The following BMPER variants were observed in gnomAD, a reference collection of about 807,000 sequenced individuals.
BMPER encodes BMP-binding endothelial regulator protein.
In BMPER, 45 loss-of-function variants were observed where a neutral mutation model predicts 87.3. That is an observed-to-expected ratio of 0.52 (90% CI 0.41 to 0.66). BMPER has a LOEUF of 0.66. Among genes scored for constraint, BMPER ranks in the 30% least tolerant of loss-of-function variants. The probability of loss-of-function intolerance (pLI) is 0.00; values close to 1 mark genes in which losing one functional copy is unlikely to be tolerated. For missense variants in BMPER, 784 were observed against 867.5 expected, an observed-to-expected ratio of 0.90 and a Z score of 1.21; for synonymous variants, 326 against 316.2, an observed-to-expected ratio of 1.03 and a Z score of -0.33.
intron 2 of BMPER, among the ~76,000 whole-genome samples, chr7:33,920,888 T>C (rs1455462395): frequency 6.6e-6 from 1 of 152,214 alleles, no homozygotes; most frequent in Non-Finnish European, 1.5e-5. Context: ...GTTGAAATTC[T>C]GTTATTGGTG....
At chr7:34,147,190 C>T (rs1183630441) in intron 14 of BMPER, among the ~76,000 whole-genome samples, 2 of 152,156 alleles carry the variant, frequency 1.3e-5, no homozygotes, top group Non-Finnish European at 2.9e-5. Context: ...CTAGCTCCTT[C>T]CCTGCAGCAA....
chr7:33,913,484 G>A (rs1271776695), intron 2 of BMPER, among the ~76,000 whole-genome samples: 1 of 152,142 alleles, frequency 6.6e-6, no homozygotes. Flanking sequence ...AGACTGCAGC[G>A]ATGTTGTGTG....
chr7:33,911,096 C>A (rs1783950857), intron 2 of BMPER, among the ~76,000 whole-genome samples: 1 of 152,136 alleles, frequency 6.6e-6, no homozygotes, highest in Non-Finnish European at 1.5e-5. Flanking sequence ...TTGCTTTTTC[C>A]AAGTTGTTTC....
intron 3 of BMPER, among the ~76,000 whole-genome samples, chr7:33,962,677 T>C (rs1785300367): frequency 6.6e-6 from 1 of 152,214 alleles, no homozygotes; most frequent in Non-Finnish European, 1.5e-5. Flanking sequence ...AGTGATTTTA[T>C]CAGAACATTA....
At chr7:34,150,312 T>C (rs1244064952) in intron 14 of BMPER, among the ~76,000 whole-genome samples, 3 of 152,176 alleles carry the variant, frequency 2.0e-5, no homozygotes, top group Admixed American at 2.0e-4. Flanking sequence ...TCTTGGCCGC[T>C]CATTAGAATT....
At chr7:34,028,775 C>G (rs1480676472) in intron 6 of BMPER, among the ~76,000 whole-genome samples, 1 of 151,618 alleles carries the variant, frequency 6.6e-6, no homozygotes, top group Non-Finnish European at 1.5e-5. Flanking sequence ...TTCTACTCAC[C>G]TGAAGCAGAA....
intron 4 of BMPER, among the ~76,000 whole-genome samples, chr7:33,969,854 G>C (rs1785494030): frequency 6.6e-6 from 1 of 152,186 alleles, no homozygotes; most frequent in Non-Finnish European, 1.5e-5. Context: ...TGCAGAGCTG[G>C]CCTAGTTATT....
chr7:34,081,109 G>A lies in BMPER; in HGVS notation c.1408+1923G>A, dbSNP rs541662256. Among the ~76,000 whole-genome samples, 21 of 152,152 alleles carry A rather than the reference G, an allele frequency of 1.4e-4. No individual in the cohort carries two copies. The South Asian group carries it at 4.4e-3, about 32-fold the overall frequency. On this transcript the variant is annotated intron_variant, in intron 12 of 14. Transcript: ENST00000649409. ...TCACACAAGCCCTCTGCTTCCTAGA[G>A]AAGAATTCTATTCCTCTGGGCATTG...
chr7:34,111,830 C>T (rs966019279), intron 13 of BMPER, among the ~76,000 whole-genome samples: 5 of 152,296 alleles, frequency 3.3e-5, no homozygotes, highest in Admixed American at 2.6e-4. Context: ...TCTCCTGCCT[C>T]AGCCTCCCAA....
rs1261568472 is a variant in BMPER, at chr7:34,155,206, G to C, written c.*1933G>C. 6.6e-6 allele frequency: 1 copy of C among 152,204 alleles called. No individual in the cohort carries two copies. Among genetic ancestry groups the C allele is most frequent in the East Asian group, 1.9e-4 (1 of 5,188 alleles). 9.4% of individuals were successfully genotyped at this position (152,204 alleles called of 1,614,324 possible). A position where few individuals can be genotyped will look rare whatever the true frequency, so the allele number is the denominator to read the frequency against. On this transcript the variant is annotated 3_prime_UTR_variant, in exon 15 of 15. Transcript: ENST00000649409. Reference sequence around the variant, plus strand: ...CTGACAGGAGGGGTAGGGAAAATCAGTTGACGTTGCCTGGTGGTTCCTACC... The same window carrying C: ...CTGACAGGAGGGGTAGGGAAAATCACTTGACGTTGCCTGGTGGTTCCTACC...
intron 6 of BMPER, among the ~76,000 whole-genome samples, chr7:33,997,683 A>G (rs1786455263): frequency 6.6e-6 from 1 of 152,148 alleles, no homozygotes; most frequent in Non-Finnish European, 1.5e-5. Context: ...ACCCTTGTAT[A>G]CTTTTTCCAG....
intron 3 of BMPER, among the ~76,000 whole-genome samples, chr7:33,951,383 C>G (rs1229852134): frequency 1.3e-5 from 2 of 152,128 alleles, no homozygotes. Context: ...ATGTTTTATG[C>G]TCACTTCCTG....
chr7:34,110,367 G>A lies in BMPER; in HGVS notation c.1745+24275G>A, dbSNP rs534017238. On this transcript the variant is annotated intron_variant, in intron 13 of 14. Transcript: ENST00000649409. ...TTGAAGGTGAGGGTACGGAACAGGA[G>A]GGAGAGTAGGAAAGTGGATGCACAG... Among the ~76,000 whole-genome samples, 7 of 152,290 alleles carry A rather than the reference G, an allele frequency of 4.6e-5. No homozygotes were observed. The South Asian group carries it at 8.3e-4, about 18-fold the overall frequency.
chr7:33,999,417 T>C (rs1296417214), intron 6 of BMPER, among the ~76,000 whole-genome samples: 1 of 152,254 alleles, frequency 6.6e-6, no homozygotes, highest in African/African-American at 2.4e-5. Flanking sequence ...GGAAGACTTG[T>C]TTGTAAACTT....
At chr7:33,977,712 A>G (rs1785724952) in intron 6 of BMPER, among the ~76,000 whole-genome samples, 1 of 152,194 alleles carries the variant, frequency 6.6e-6, no homozygotes, top group Non-Finnish European at 1.5e-5. Flanking sequence ...TTATGTGACT[A>G]TATATTTGTA....
rs1030835474 is a variant in BMPER at position 33,975,638 on chromosome 7, A to C, written c.576+854A>C. ...GTCATTTACAGTAGGGAGTTAGTAC[A>C]ACCATCTATTTTTTAAGCTTTTAAT... On this transcript the variant is annotated intron_variant, in intron 6 of 14. Transcript: ENST00000649409. 3.3e-5 allele frequency among the ~76,000 whole-genome samples: 5 copies of C among 152,308 alleles called. No individual in the cohort carries two copies. In the East Asian group the frequency reaches 9.6e-4, roughly 29 times the overall value.
intron 2 of BMPER, among the ~76,000 whole-genome samples, chr7:33,924,010 C>T (rs1366190683): frequency 6.6e-6 from 1 of 152,152 alleles, no homozygotes; most frequent in African/African-American, 2.4e-5. Context: ...CTGCATCTGT[C>T]CACGTGTCTA....
chr7:34,149,998 G>A (rs1791131678), intron 14 of BMPER, among the ~76,000 whole-genome samples: 1 of 152,128 alleles, frequency 6.6e-6, no homozygotes, highest in Non-Finnish European at 1.5e-5. Flanking sequence ...ACAAAGAGTA[G>A]GGCAAGTTCT....
rs1002066204 is a variant in BMPER at position 34,143,277 on chromosome 7, A to G, written c.1793A>G (p.Tyr598Cys). Residue 598 changes from tyrosine to cysteine, a missense_variant, in exon 14 of 15, where the codon TAT becomes TGT. Transcript: ENST00000649409. ...MCECPVHKNC[Y>C]CESFLAYTRA... is the part of the protein sequence containing the mutation. ...GAATGTCCAGTCCATAAAAACTGTT[A>G]TTGCGAGTCATTTTTGGCATATACC... The G allele has an allele frequency of 4.3e-6, 7 of 1,614,060 alleles. No homozygotes were observed. In the East Asian group the frequency reaches 1.6e-4, roughly 36 times the overall value.
Sources: allele counts gnomAD v4.1 joint callset (sites outside exome capture counted in the v4.1 genomes callset), GRCh38; gene constraint gnomAD v4.1.1; transcripts MANE v1.5; gene names NCBI Gene and HGNC (gene_info 2026-07-23, HGNC 2026-07-21).